PCSK7: variants seen among roughly 807,000 people sequenced by gnomAD.
PCSK7 encodes lymphoma proprotein convertase.
Under a neutral mutation model 73.3 loss-of-function variants are expected in PCSK7, and 38 were observed. The ratio of observed to expected loss-of-function variants is 0.52; its 90% confidence interval spans 0.40 to 0.68. PCSK7 has a LOEUF of 0.68. Among genes scored for constraint, PCSK7 ranks in the 30% least tolerant of loss-of-function variants. The probability of loss-of-function intolerance (pLI) is 0.00; values close to 1 mark genes in which losing one functional copy is unlikely to be tolerated. For synonymous variants in PCSK7, 296 were observed against 383.8 expected, an observed-to-expected ratio of 0.77 and a Z score of 2.68; for missense variants, 692 against 991.5, an observed-to-expected ratio of 0.70 and a Z score of 4.06.
At chr11:117,228,399 A>C in intron 3 of PCSK7, 49 bp from the exon 4 acceptor site, 1 of 1,572,852 alleles carries the variant, frequency 6.4e-7, no homozygotes, top group Non-Finnish European at 8.7e-7. Context: ...CACAGCCCAG[A>C]GGGAGATGAA....
rs2238007 is a variant in PCSK7, at chr11:117,213,764, C to T, written c.1534+4702G>A. 11 of 152,190 alleles carry T rather than the reference C, an allele frequency of 7.2e-5. No individual in the cohort carries two copies. The East Asian group carries it at 2.1e-3, about 29-fold the overall frequency. 9.4% of individuals were successfully genotyped at this position (152,190 alleles called of 1,614,324 possible). A position where few individuals can be genotyped will look rare whatever the true frequency, so the allele number is the denominator to read the frequency against. ...TTGGGTGGCAGTGCAAATGAGTACA[C>T]TAGAACTCTCTCTACCAGAACTAAA... On this transcript the variant is annotated intron_variant, in intron 12 of 16. Transcript: ENST00000320934.
At chr11:117,231,274 A>T (rs956374754) in intron 1 of PCSK7, 2 of 152,174 alleles carry the variant, frequency 1.3e-5, no homozygotes, top group African/African-American at 4.8e-5. Flanking sequence ...CCTGGAAAGG[A>T]GAACTTATGC....
At position 117,218,928 on chromosome 11, in the gene PCSK7, A is replaced by C; in HGVS notation, c.1431+129T>G. On this transcript the variant is annotated intron_variant, in intron 11 of 16. Transcript: ENST00000320934. This position sits in a 1 kb window ranked among gnomAD's most constrained non-coding sequence, Gnocchi z 4.0. ...TGGATATCAGCTGGGATGAAGGTTGAAGTTGTTAAATCAATGAACTGAATG... is the reference window on the plus strand; with the variant it reads ...TGGATATCAGCTGGGATGAAGGTTGCAGTTGTTAAATCAATGAACTGAATG... 2 of 613,370 alleles carry C rather than the reference A, an allele frequency of 3.3e-6. No homozygotes were observed. Among genetic ancestry groups the C allele is most frequent in the Non-Finnish European group, 5.7e-6 (2 of 349,658 alleles). The allele number at this position is 613,370 out of a possible 1,614,324, so 38.0% of individuals were successfully genotyped here.
rs199614758 is a variant in PCSK7, at chr11:117,219,723, G to A, written c.1191C>T (p.Gly397=). 735 of 1,595,362 alleles carry A rather than the reference G, an allele frequency of 4.6e-4. No homozygotes were observed. The highest frequency in any genetic ancestry group is 5.6e-4 in the Non-Finnish European group (660 of 1,171,866). Residue 397 remains glycine (G), a synonymous_variant, in exon 10 of 17, where the codon GGC becomes GGT. Transcript: ENST00000320934. ...AGGTCCCTGTGTGGCCCTCAGTGCA[G>A]CCAGTGCCCTTCTGAAGGTCCCAGT... ...TTDWDLQKGT[G]CTEGHTGTSA...
intron 1 of PCSK7, 138 bp from the exon 2 acceptor site, chr11:117,230,606 T>C (rs2032609363): frequency 6.6e-6 from 1 of 152,242 alleles, no homozygotes; most frequent in South Asian, 2.1e-4. Context: ...GGTCATAGAC[T>C]GGAGCAGAAC....
chr11:117,206,922 G>A (rs2134279024), intron 15 of PCSK7, 124 bp from the exon 16 acceptor site: 1 of 919,580 alleles, frequency 1.1e-6, no homozygotes, highest in South Asian at 1.4e-5. Flanking sequence ...GAGAGGCCCA[G>A]ACTGTGAGTT....
chr11:117,215,406 A>ATATATATATATATATTTTT (rs1555044281), intron 12 of PCSK7: 1 of 54,586 alleles, frequency 1.8e-5, no homozygotes, highest in African/African-American at 1.8e-4. Flanking sequence ...ATATATATAT[A>ATATATATATATATATTTTT]CTTTTTTTTT....
At chr11:117,211,192 C>G (rs2031716381) in intron 12 of PCSK7, 1 of 152,262 alleles carries the variant, frequency 6.6e-6, no homozygotes, top group Non-Finnish European at 1.5e-5. Context: ...CTCACTGCCA[C>G]CTCTACCTCC....
intron 3 of PCSK7, among the ~76,000 whole-genome samples, 157 bp from the exon 4 acceptor site, chr11:117,228,507 A>C (rs2032516845): frequency 6.6e-6 from 1 of 152,136 alleles, no homozygotes; most frequent in African/African-American, 2.4e-5. Flanking sequence ...AAGGAGGAGC[A>C]GGTGAGAGCT....
At chr11:117,229,091 GCA>G (rs1197007270) in intron 3 of PCSK7, among the ~76,000 whole-genome samples, 2 of 152,210 alleles carry the variant, frequency 1.3e-5, no homozygotes, top group Non-Finnish European at 2.9e-5. Flanking sequence ...AGAAGCTGAG[GCA>G]CAGAGTTTAA....
intron 6 of PCSK7, 71 bp from the exon 7 acceptor site, chr11:117,224,826 T>A: frequency 1.8e-6 from 2 of 1,140,058 alleles, no homozygotes; most frequent in Non-Finnish European, 2.7e-6. Context: ...CGCCTCCCAG[T>A]CTCAGCTGGC....
In PCSK7 at chr11:117,219,581, G is replaced by A. The variant is rs1270525214; in HGVS notation, c.1323+10C>T. ...GGGCCAGGCCACTTGTCTACCTGCT[G>A]GTATCTCACCCGGGTGGCTGTGAAG... On this transcript the variant is annotated intron_variant, in intron 10 of 16. Coordinates refer to ENST00000320934, the MANE Select transcript of PCSK7 (RefSeq NM_004716.4). 5 of 1,611,502 alleles carry A rather than the reference G, an allele frequency of 3.1e-6. No homozygotes were observed. The highest frequency in any genetic ancestry group is 1.7e-4 in the Middle Eastern group (1 of 5,944).
intron 6 of PCSK7, 81 bp from the exon 7 acceptor site, chr11:117,224,836 C>T: frequency 9.6e-7 from 1 of 1,040,800 alleles, no homozygotes; most frequent in Non-Finnish European, 1.5e-6. Flanking sequence ...TCTCAGCTGG[C>T]TGCCCTTTGA....
intron 1 of PCSK7, among the ~76,000 whole-genome samples, 152 bp from the exon 2 acceptor site, chr11:117,230,620 T>C (rs1264153716): frequency 6.6e-6 from 1 of 152,172 alleles, no homozygotes; most frequent in African/African-American, 2.4e-5. Flanking sequence ...GCAGAACTGG[T>C]ACGGTGAGGC....
rs79579486 is a variant in PCSK7, at chr11:117,225,839, C to T, written c.860+92G>A. 6.8e-4 allele frequency: 538 copies of T among 791,870 alleles called. 3 individuals are homozygous for T. The East Asian group carries it at 0.012, about 18-fold the overall frequency. 49.1% of individuals were successfully genotyped at this position (791,870 alleles called of 1,614,324 possible). A position where few individuals can be genotyped will look rare whatever the true frequency, so the allele number is the denominator to read the frequency against. Reference sequence around the variant, plus strand: ...GAACCCAATGAGGAGACCCCTGCTCCGGCCTAAGTCAGCCCACTGGTTGGG... The same window carrying T: ...GAACCCAATGAGGAGACCCCTGCTCTGGCCTAAGTCAGCCCACTGGTTGGG... On this transcript the variant is annotated intron_variant, in intron 6 of 16. Coordinates refer to ENST00000320934, the MANE Select transcript of PCSK7 (RefSeq NM_004716.4).
Position 117,204,622 on chromosome 11 carries a change from A to G in PCSK7, c.*1375T>C, listed in dbSNP as rs1023451455. On this transcript the variant is annotated 3_prime_UTR_variant, in exon 17 of 17. Transcript: ENST00000320934. ...ACCTCTACTGTCTCCTCCCTGGGCTAAGCAGGGGAGAAGCGGGCTGGGGGT... is the reference window on the plus strand; with the variant it reads ...ACCTCTACTGTCTCCTCCCTGGGCTGAGCAGGGGAGAAGCGGGCTGGGGGT... 1.8e-6 allele frequency: 1 copy of G among 563,748 alleles called. No homozygotes were observed. Among genetic ancestry groups the G allele is most frequent in the African/African-American group, 1.8e-5 (1 of 54,146 alleles). The allele number at this position is 563,748 out of a possible 1,614,324, so 34.9% of individuals were successfully genotyped here. A position where few individuals can be genotyped will look rare whatever the true frequency, so the allele number is the denominator to read the frequency against.
chr11:117,222,204 G>A (rs774305912), intron 9 of PCSK7: 10 of 152,214 alleles, frequency 6.6e-5, no homozygotes, highest in Non-Finnish European at 1.5e-4. Context: ...CAGGCAGGGA[G>A]CTCTAGGAAG....
chr11:117,230,673 G>A (rs2032613139), intron 1 of PCSK7, among the ~76,000 whole-genome samples: 2 of 152,082 alleles, frequency 1.3e-5, no homozygotes, highest in South Asian at 2.1e-4. Context: ...CTGTGCTATC[G>A]TGCCACCCTC....
intron 6 of PCSK7, chr11:117,224,958 G>A (rs1390885931): frequency 2.4e-5 from 14 of 575,264 alleles, no homozygotes; most frequent in Non-Finnish European, 4.1e-5. Context: ...AGTGTGCTAA[G>A]GCTCTTCTTT....
Sources: allele counts gnomAD v4.1 joint callset (sites outside exome capture counted in the v4.1 genomes callset), GRCh38; gene constraint gnomAD v4.1.1; non-coding constraint Gnocchi (gnomAD v3.1); transcripts MANE v1.5; gene names NCBI Gene and HGNC (gene_info 2026-07-23, HGNC 2026-07-21).